NLRP14: variants seen among roughly 807,000 people sequenced by gnomAD.
The protein encoded by NLRP14 is NACHT, LRR and PYD domains-containing protein 14.
NLRP14 carries 105 observed loss-of-function variants against 94.7 expected under a neutral mutation model. The observed-to-expected ratio is 1.11, with a 90% CI of 0.95 to 1.30. NLRP14 has a LOEUF of 1.30. Among genes scored for constraint, NLRP14 ranks in the 50% most tolerant of loss-of-function variants. The pLI, the probability that NLRP14 is intolerant of heterozygous loss-of-function variation, is 0.00. For missense variants in NLRP14, 1,362 were observed against 1,254.1 expected, an observed-to-expected ratio of 1.09 and a Z score of -1.30; for synonymous variants, 508 against 459.9, an observed-to-expected ratio of 1.10 and a Z score of -1.34.
intron 1 of NLRP14, among the ~76,000 whole-genome samples, chr11:7,025,146 G>C (rs370201810): frequency 1.3e-4 from 20 of 151,934 alleles, no homozygotes; most frequent in Middle Eastern, 3.4e-3. Flanking sequence ...GACATAAAAA[G>C]GTATAATTTC....
downstream of NLRP14, among the ~76,000 whole-genome samples, chr11:7,071,885 T>G (rs1031152332): frequency 6.6e-6 from 1 of 152,088 alleles, no homozygotes. Flanking sequence ...GAGTCACTAG[T>G]TTCAATAGAA....
chr11:7,068,409 CA>C (rs1157968930), intron 10 of NLRP14, among the ~76,000 whole-genome samples: 1 of 152,074 alleles, frequency 6.6e-6, no homozygotes, highest in African/African-American at 2.4e-5. Flanking sequence ...ATGTTGTATG[CA>C]GTGTTTTTGT....
At chr11:7,027,686 A>G (rs140199095) in intron 1 of NLRP14, among the ~76,000 whole-genome samples, 2 of 152,022 alleles carry the variant, frequency 1.3e-5, no homozygotes, top group African/African-American at 4.8e-5. Flanking sequence ...TTCTCCTTCC[A>G]GTCTTTTTTG....
chr11:7,043,169 G>A lies in NLRP14; in HGVS notation c.1143G>A (p.Gln381=), dbSNP rs1321128799. ...VCWAACTCLK[Q]QMEKGGDVTL... ...GGGCCGCTTGTACTTGTCTGAAGCA[G>A]CAAATGGAGAAGGGTGGTGATGTCA... The change falls in exon 4 of 12, where the codon CAG becomes CAA. Residue 381 remains glutamine, a synonymous_variant. Transcript: ENST00000299481. 1.2e-6 allele frequency: 2 copies of A among 1,614,156 alleles called. No homozygotes were observed. The highest frequency in any genetic ancestry group is 8.5e-7 in the Non-Finnish European group (1 of 1,180,036).
intron 3 of NLRP14, among the ~76,000 whole-genome samples, chr11:7,041,629 C>CCATG (rs1182988039): frequency 6.6e-6 from 1 of 152,110 alleles, no homozygotes; most frequent in East Asian, 1.9e-4. Flanking sequence ...TAGACACTGA[C>CCATG]CATGCAATGA....
chr11:7,044,610 GT>G (rs1852323837), intron 4 of NLRP14, among the ~76,000 whole-genome samples: 1 of 152,084 alleles, frequency 6.6e-6, no homozygotes, highest in Admixed American at 6.6e-5. Context: ...AACCTTAAGT[GT>G]TTTACGTACA....
chr11:7,036,354 C>G (rs548173317), intron 1 of NLRP14, among the ~76,000 whole-genome samples: 1 of 152,170 alleles, frequency 6.6e-6, no homozygotes, highest in Non-Finnish European at 1.5e-5. Context: ...GGGAAGGAGA[C>G]TATAGTATAT....
At position 7,043,516 on chromosome 11, in the gene NLRP14, G is replaced by T; in HGVS notation, c.1490G>T (p.Ser497Ile). 6.2e-7 allele frequency: 1 copy of T among 1,614,192 alleles called. No homozygotes were observed. The change falls in exon 4 of 12, where the codon AGT (serine) becomes ATT (isoleucine). Residue 497 changes from serine (S) to isoleucine (I), a missense_variant. Transcript: ENST00000299481. ...FAAMFYMLKG[S>I]WEAGNPSCQP... ...GCTATGTTCTATATGTTGAAAGGCA[G>T]TTGGGAAGCTGGGAACCCTTCCTGC...
chr11:7,046,796 A>T lies in NLRP14; in HGVS notation c.2087A>T (p.Glu696Val). 2 of 1,613,862 alleles carry T rather than the reference A, an allele frequency of 1.2e-6. No homozygotes were observed. The highest frequency in any genetic ancestry group is 1.7e-6 in the Non-Finnish European group (2 of 1,179,744). The change falls in exon 5 of 12, where the codon GAA (glutamate) becomes GTA (valine). Residue 696 changes from glutamate to valine, a missense_variant. Coordinates refer to ENST00000299481, the MANE Select transcript of NLRP14 (RefSeq NM_176822.4). ...DKSAMNILHH[E>V]LRHPNCKLQK... ...TCAGCAATGAATATCCTGCATCATG[A>T]ACTAAGGCACCCAAACTGTAAACTA... is the stretch of plus-strand genomic sequence containing the variant.
chr11:7,090,058 G>A, the NLRP14 span: 17 of 1,613,182 alleles, frequency 1.1e-5, no homozygotes, highest in Middle Eastern at 3.3e-4. Flanking sequence ...GAGTACCGGG[G>A]CTACTCACCC....
At chr11:7,029,318 A>G (rs1852059610) in intron 1 of NLRP14, among the ~76,000 whole-genome samples, 1 of 152,234 alleles carries the variant, frequency 6.6e-6, no homozygotes, top group South Asian at 2.1e-4. Flanking sequence ...AACAGCAACA[A>G]ATGAACAAGT....
chr11:7,076,092 G>A (rs530065433), downstream of NLRP14, among the ~76,000 whole-genome samples: 14 of 152,208 alleles, frequency 9.2e-5, no homozygotes, highest in South Asian at 2.9e-3. Flanking sequence ...CAGTGGTGAT[G>A]GTTAGAATAA....
intron 6 of NLRP14, among the ~76,000 whole-genome samples, chr11:7,055,730 G>A (rs1416589731): frequency 6.6e-6 from 1 of 152,032 alleles, no homozygotes; most frequent in Non-Finnish European, 1.5e-5. Context: ...ATGGAACATG[G>A]GTTCTCTAAG....
chr11:7,085,125 T>C, the NLRP14 span, among the ~76,000 whole-genome samples: 6 of 152,240 alleles, frequency 3.9e-5, no homozygotes, highest in Non-Finnish European at 5.9e-5. Context: ...TAACATGGTG[T>C]TCACCATCTT....
At chr11:7,049,241 C>T (rs763211438) in intron 5 of NLRP14, among the ~76,000 whole-genome samples, 15 of 152,198 alleles carry the variant, frequency 9.9e-5, no homozygotes, top group African/African-American at 2.4e-4. Flanking sequence ...GTATGCCTAA[C>T]GAAGTCCCCA....
At chr11:7,089,203 T>A in the NLRP14 span, 1 of 1,613,876 alleles carries the variant, frequency 6.2e-7, no homozygotes, top group Non-Finnish European at 8.5e-7. Flanking sequence ...GAAGCCGAGT[T>A]TGGCAAGTAT....
the NLRP14 span, chr11:7,089,489 C>A: frequency 8.1e-7 from 1 of 1,239,810 alleles, no homozygotes; most frequent in Non-Finnish European, 1.0e-6. Flanking sequence ...GTTCCCCATC[C>A]CGGGGCGGGC....
intron 1 of NLRP14, among the ~76,000 whole-genome samples, chr11:7,034,995 T>C (rs1367691354): frequency 6.6e-6 from 1 of 152,116 alleles, no homozygotes; most frequent in Non-Finnish European, 1.5e-5. Flanking sequence ...ACAGAAGTTG[T>C]ACATTTAGGC....
At chr11:7,063,413 C>T (rs1241127983) in intron 10 of NLRP14, among the ~76,000 whole-genome samples, 1 of 151,988 alleles carries the variant, frequency 6.6e-6, no homozygotes, top group Non-Finnish European at 1.5e-5. Context: ...CCTGCACATG[C>T]AACATTGAGA....
Sources: allele counts gnomAD v4.1 joint callset (sites outside exome capture counted in the v4.1 genomes callset), GRCh38; gene constraint gnomAD v4.1.1; transcripts MANE v1.5; gene names NCBI Gene and HGNC (gene_info 2026-07-23, HGNC 2026-07-21).